Variants in EVC2 observed in about 807,000 individuals in gnomAD.
The protein encoded by EVC2 is limbin.
EVC2 carries 148 observed loss-of-function variants against 149.3 expected under a neutral mutation model. The ratio of observed to expected loss-of-function variants is 0.99; its 90% CI spans 0.87 to 1.14. The LOEUF is 1.14. Among genes scored for constraint, EVC2 ranks in the 50% most tolerant of loss-of-function variants. The pLI is 0.00. For missense variants in EVC2, 1,854 were observed against 1,627.3 expected (o/e 1.14, Z -2.40); for synonymous variants, 776 against 649.9 (o/e 1.19, Z -2.95).
chr4:5,586,157 C>T (rs769351120), intron 16 of EVC2, among the ~76,000 whole-genome samples: 6 of 152,120 alleles, frequency 3.9e-5, no homozygotes, highest in Non-Finnish European at 7.4e-5. Flanking sequence ...CCACCATGCC[C>T]GACCTGTCTA....
At chr4:5,693,954 T>C (rs983605873) in intron 3 of EVC2, among the ~76,000 whole-genome samples, 1 of 152,234 alleles carries the variant, frequency 6.6e-6, no homozygotes, top group African/African-American at 2.4e-5. Flanking sequence ...AGATTATACA[T>C]AGAAAGTGCT....
rs1218369394 is a variant in EVC2, at chr4:5,708,268, G to A, written c.228+18C>T. The A allele has an allele frequency of 6.8e-6, 10 of 1,473,138 alleles. No homozygotes were observed. Among genetic ancestry groups the A allele is most frequent in the Non-Finnish European group, 8.9e-7 (1 of 1,117,996 alleles). 91.3% of individuals were successfully genotyped at this position (1,473,138 alleles called of 1,614,324 possible). A position where few individuals can be genotyped will look rare whatever the true frequency, so the allele number is the denominator to read the frequency against. ...ACCACTACAGTCAGACCGGAGCCTG[G>A]GGTCGGGCCCTCCTTACCTGCGTGC... On this transcript the variant is annotated intron_variant, in intron 1 of 21. Coordinates refer to ENST00000344408, the MANE Select transcript of EVC2 (RefSeq NM_147127.5).
chr4:5,549,327 C>T (rs1043154698), intron 21 of EVC2, among the ~76,000 whole-genome samples: 3 of 152,168 alleles, frequency 2.0e-5, no homozygotes, highest in African/African-American at 4.8e-5. Flanking sequence ...TTCATATCCT[C>T]CTTCGACAGG....
chr4:5,601,554 C>T (rs1054479360), intron 16 of EVC2, among the ~76,000 whole-genome samples: 4 of 149,664 alleles, frequency 2.7e-5, no homozygotes, highest in Admixed American at 6.6e-5. Context: ...GAGGTCAACA[C>T]TGGAATCCCG....
intron 13 of EVC2, among the ~76,000 whole-genome samples, chr4:5,623,812 C>T (rs147724926): frequency 2.0e-5 from 3 of 152,330 alleles, no homozygotes; most frequent in East Asian, 3.9e-4. Flanking sequence ...CTCTCTGCGC[C>T]TCCATTTCCC....
At chr4:5,665,904 C>T (rs1216002736) in intron 7 of EVC2, among the ~76,000 whole-genome samples, 3 of 152,176 alleles carry the variant, frequency 2.0e-5, no homozygotes, top group Non-Finnish European at 2.9e-5. Flanking sequence ...CACCATCCAG[C>T]CGCACGCCTA....
chr4:5,623,237 G>A (rs903922199), intron 13 of EVC2, among the ~76,000 whole-genome samples: 8 of 152,228 alleles, frequency 5.3e-5, no homozygotes, highest in African/African-American at 1.9e-4. Flanking sequence ...CTGGGTTCAA[G>A]CGATTCTTGT....
At position 5,640,654 on chromosome 4, in the gene EVC2, G is replaced by C. The variant is rs372215987; in HGVS notation, c.1330C>G (p.Gln444Glu). The change falls in exon 10 of 22, where the codon CAA (glutamine) becomes GAA (glutamate). Residue 444 changes from glutamine to glutamate, a missense_variant. Transcript: ENST00000344408. The surrounding 1 kb of genome is among the most constrained non-coding windows in gnomAD (Gnocchi z 4.6). ...ACCATCTTCCGATCGTACTCCTCTT[G>C]TATTTCATTTTCCAGCAATAGAAAC... Reference protein sequence around the residue: ...KQFLLLENEIQEEYDRKMVAL... With the variant: ...KQFLLLENEIEEEYDRKMVAL... 1.2e-6 allele frequency: 2 copies of C among 1,614,012 alleles called. No homozygotes were observed. The highest frequency in any genetic ancestry group is 1.7e-6 in the Non-Finnish European group (2 of 1,180,008).
intron 9 of EVC2, among the ~76,000 whole-genome samples, chr4:5,655,165 C>T (rs1004948005): frequency 1.4e-4 from 22 of 152,164 alleles, no homozygotes; most frequent in African/African-American, 5.3e-4. Flanking sequence ...CCAGTGACCC[C>T]TTTACAAACC....
the EVC2 span, among the ~76,000 whole-genome samples, chr4:5,529,270 A>C: frequency 6.6e-6 from 1 of 152,182 alleles, no homozygotes; most frequent in Non-Finnish European, 1.5e-5. This position sits in a 1 kb window ranked among gnomAD's most constrained non-coding sequence, Gnocchi z 4.5. Flanking sequence ...ACATGGGTCA[A>C]TTCAGCCTTT....
At chr4:5,663,658 C>A (rs1306510061) in intron 8 of EVC2, among the ~76,000 whole-genome samples, 1 of 152,174 alleles carries the variant, frequency 6.6e-6, no homozygotes, top group South Asian at 2.1e-4. Flanking sequence ...TGGTGGCTCA[C>A]GCCTGTAATC....
chr4:5,653,406 C>T (rs1253400836), intron 9 of EVC2, among the ~76,000 whole-genome samples: 1 of 152,154 alleles, frequency 6.6e-6, no homozygotes, highest in Non-Finnish European at 1.5e-5. Flanking sequence ...CTGCTCTAGC[C>T]AAGAATTTGG....
chr4:5,598,272 G>A (rs946415719), intron 16 of EVC2, among the ~76,000 whole-genome samples: 2 of 151,864 alleles, frequency 1.3e-5, no homozygotes, highest in African/African-American at 2.4e-5. Flanking sequence ...TCAATCCTAA[G>A]CCAAAAGAAC....
In EVC2 at chr4:5,568,305, G is replaced by GA. The variant is rs201389445; in HGVS notation, c.3557+138dup. On this transcript the variant is annotated intron_variant, in intron 20 of 21. Coordinates refer to ENST00000344408, the MANE Select transcript of EVC2 (RefSeq NM_147127.5). The stretch of plus-strand genomic sequence containing the variant: ...GCTCTGGGTGAACTTATTTTCTTAA[G>GA]ATTCTATTTAAAAAATAAATTGGTA... 2.4e-3 allele frequency: 2,145 copies of GA among 899,066 alleles called. 33 individuals carry two copies. The African/African-American group carries it at 0.033, about 14-fold the overall frequency. The allele number at this position is 899,066 out of a possible 1,614,324, so 55.7% of individuals were successfully genotyped here.
chr4:5,587,118 T>G (rs1054721567), intron 16 of EVC2, among the ~76,000 whole-genome samples: 1 of 152,256 alleles, frequency 6.6e-6, no homozygotes, highest in African/African-American at 2.4e-5. Context: ...AATTTTCTAT[T>G]GAAGTGAAAT....
At chr4:5,684,986 C>A (rs1433832273) in intron 6 of EVC2, among the ~76,000 whole-genome samples, 1 of 152,204 alleles carries the variant, frequency 6.6e-6, no homozygotes, top group African/African-American at 2.4e-5. Flanking sequence ...CTGGACAATA[C>A]ATTTCTGTTG....
chr4:5,567,015 G>A lies in EVC2; in HGVS notation c.3557+1429C>T, dbSNP rs143550518. ...TTGGCTCCTAATATTCCATGGAGGA[G>A]CGTAGCATAGAGCATGTAACTGTCA... is the stretch of plus-strand genomic sequence containing the variant. On this transcript the variant is annotated intron_variant, in intron 20 of 21. Coordinates refer to ENST00000344408, the MANE Select transcript of EVC2 (RefSeq NM_147127.5). This position sits in a 1 kb window ranked among gnomAD's most constrained non-coding sequence, Gnocchi z 4.4. Among the ~76,000 whole-genome samples, 537 of 152,218 alleles carry A rather than the reference G, an allele frequency of 3.5e-3. 2 individuals are homozygous for A. Among genetic ancestry groups the A allele is most frequent in the African/African-American group, 0.013 (523 of 41,530 alleles).
intron 1 of EVC2, among the ~76,000 whole-genome samples, chr4:5,701,028 T>C (rs563985599): frequency 1.3e-5 from 2 of 152,356 alleles, no homozygotes; most frequent in African/African-American, 2.4e-5. Context: ...AGTCAAAGTA[T>C]TGGCAGGGCT....
intron 16 of EVC2, among the ~76,000 whole-genome samples, chr4:5,591,624 G>A (rs1266912361): frequency 6.6e-6 from 1 of 152,102 alleles, no homozygotes; most frequent in Non-Finnish European, 1.5e-5. Flanking sequence ...TGTATATACT[G>A]TATGAACAAC....
Sources: allele counts gnomAD v4.1 joint callset (sites outside exome capture counted in the v4.1 genomes callset), GRCh38; gene constraint gnomAD v4.1.1; non-coding constraint Gnocchi (gnomAD v3.1); transcripts MANE v1.5; gene names NCBI Gene and HGNC (gene_info 2026-07-23, HGNC 2026-07-21).